The following MAPKAP1 variants were observed in gnomAD, a reference collection of about 807,000 sequenced individuals.
MAPKAP1 encodes the protein target of rapamycin complex 2 subunit MAPKAP1.
In MAPKAP1, 20 loss-of-function variants were observed where a neutral mutation model predicts 65.7. That is an observed-to-expected ratio of 0.30 (90% CI 0.21 to 0.44). MAPKAP1 has a LOEUF of 0.44. Among genes scored for constraint, MAPKAP1 ranks in the 20% least tolerant of loss-of-function variants. MAPKAP1 has a pLI of 1.00. For missense variants in MAPKAP1, 423 were observed against 648.0 expected (o/e 0.65, Z 3.77); for synonymous variants, 222 against 244.3 (o/e 0.91, Z 0.85).
At chr9:125,524,747 A>C (rs2133123134) in intron 7 of MAPKAP1, among the ~76,000 whole-genome samples, 1 of 152,332 alleles carries the variant, frequency 6.6e-6, no homozygotes, top group East Asian at 1.9e-4. Flanking sequence ...CTTCCACTGC[A>C]GTTCCTGTCT....
At chr9:125,698,256 T>TACA (rs1835449178) in intron 1 of MAPKAP1, among the ~76,000 whole-genome samples, 5 of 127,544 alleles carry the variant, frequency 3.9e-5, no homozygotes, top group African/African-American at 1.3e-4. Context: ...AAATATATAA[T>TACA]TTATAAATAT....
At chr9:125,452,398 C>A (rs1468273654) in intron 10 of MAPKAP1, among the ~76,000 whole-genome samples, 1 of 152,012 alleles carries the variant, frequency 6.6e-6, no homozygotes, top group Admixed American at 6.6e-5. Context: ...TACGCCTGGC[C>A]AGGAGTCATT....
chr9:125,598,868 C>T (rs574352258), intron 4 of MAPKAP1, among the ~76,000 whole-genome samples: 5 of 151,912 alleles, frequency 3.3e-5, no homozygotes, highest in African/African-American at 9.7e-5. Flanking sequence ...GGCAAAACCC[C>T]GTCTCTACTA....
At chr9:125,507,245 C>A (rs1412211494) in intron 7 of MAPKAP1, among the ~76,000 whole-genome samples, 1 of 152,220 alleles carries the variant, frequency 6.6e-6, no homozygotes, top group Non-Finnish European at 1.5e-5. Flanking sequence ...CAATCTTGTT[C>A]TTCTCAGATA....
At chr9:125,482,148 A>AAGAAG (rs60115058) in intron 9 of MAPKAP1, among the ~76,000 whole-genome samples, 2,734 of 116,860 alleles carry the variant, frequency 0.023, 113 homozygotes, top group African/African-American at 0.081. Flanking sequence ...AAAAAAAAAA[A>AAGAAG]AAGAAGAAGA....
intron 5 of MAPKAP1, among the ~76,000 whole-genome samples, chr9:125,580,863 G>T (rs966299848): frequency 3.3e-5 from 5 of 152,146 alleles, no homozygotes; most frequent in Middle Eastern, 3.4e-3. Flanking sequence ...GTTTATAGTT[G>T]GACTGCCTCC....
rs1831753500 is a variant in MAPKAP1 at position 125,585,492 on chromosome 9, A to G, written c.671+63T>C. 3 of 1,567,506 alleles carry G rather than the reference A, an allele frequency of 1.9e-6. No individual in the cohort carries two copies. The African/African-American group carries it at 4.0e-5, about 21-fold the overall frequency. Reference sequence around the variant, plus strand: ...TGCCTAGAAAGACTAACCAGCCTAGAAGACACCTTGGGTGGCCAAAAGACC... The same window carrying G: ...TGCCTAGAAAGACTAACCAGCCTAGGAGACACCTTGGGTGGCCAAAAGACC... On this transcript the variant is annotated intron_variant, in intron 5 of 11. Coordinates refer to ENST00000265960, the MANE Select transcript of MAPKAP1 (RefSeq NM_001006617.3).
At chr9:125,491,961 CGGGAGCACTGTTTGAG>C (rs1854750517) in intron 8 of MAPKAP1, among the ~76,000 whole-genome samples, 1 of 47,968 alleles carries the variant, frequency 2.1e-5, no homozygotes, top group Non-Finnish European at 4.6e-5. Context: ...GAAGCCAAAG[CGGGAGCACTGTTTGAG>C]GCCAGGAGTT....
intron 1 of MAPKAP1, among the ~76,000 whole-genome samples, chr9:125,689,436 GAAAAAAAAAAAAAAAA>G (rs911746619): frequency 6.6e-5 from 1 of 15,264 alleles, no homozygotes; most frequent in African/African-American, 2.1e-4. Context: ...CTCCATCTCG[GAAAAAAAAAAAAAAAA>G]AAAAAAAAAA....
chr9:125,685,513 C>A (rs1834949116), intron 1 of MAPKAP1, among the ~76,000 whole-genome samples: 1 of 152,188 alleles, frequency 6.6e-6, no homozygotes, highest in Non-Finnish European at 1.5e-5. Flanking sequence ...AGGCCTTTAG[C>A]TTTTACTCCA....
At chr9:125,528,916 G>A (rs1829854151) in intron 7 of MAPKAP1, among the ~76,000 whole-genome samples, 1 of 148,282 alleles carries the variant, frequency 6.7e-6, no homozygotes, top group Admixed American at 6.7e-5. Flanking sequence ...TGTGATCCCA[G>A]CACTTTGGGA....
chr9:125,444,395 C>T, intron 11 of MAPKAP1, 106 bp downstream of exon 11: 2 of 854,090 alleles, frequency 2.3e-6, no homozygotes, highest in Non-Finnish European at 3.7e-6. Flanking sequence ...GGCCCGGGAA[C>T]CTTCTATAGA....
chr9:125,506,435 C>T lies in MAPKAP1; in HGVS notation c.959-18G>A, dbSNP rs1829145031. 6.2e-7 allele frequency: 1 copy of T among 1,602,282 alleles called. No individual in the cohort carries two copies. Among genetic ancestry groups the T allele is most frequent in the Non-Finnish European group, 8.6e-7 (1 of 1,169,558 alleles). On this transcript the variant is annotated intron_variant, in intron 7 of 11. Coordinates refer to ENST00000265960, the MANE Select transcript of MAPKAP1 (RefSeq NM_001006617.3). ...CTGAGGGCCTGGAAGATCAAAGGGG[C>T]AGGAGGAGGGGAGGAAGTCTGAAAC...
At chr9:125,448,831 C>A (rs758151886) in intron 10 of MAPKAP1, among the ~76,000 whole-genome samples, 6 of 151,910 alleles carry the variant, frequency 3.9e-5, no homozygotes, top group Non-Finnish European at 7.4e-5. Flanking sequence ...ACTGTGAAAC[C>A]CTGTCTCTAC....
At chr9:125,454,325 G>C (rs1431381715) in intron 10 of MAPKAP1, among the ~76,000 whole-genome samples, 1 of 152,192 alleles carries the variant, frequency 6.6e-6, no homozygotes, top group African/African-American at 2.4e-5. Flanking sequence ...CTGCATCCGG[G>C]AATTTCCTCC....
intron 1 of MAPKAP1, among the ~76,000 whole-genome samples, chr9:125,686,987 G>A (rs979137525): frequency 2.0e-5 from 3 of 151,872 alleles, no homozygotes; most frequent in African/African-American, 7.3e-5. Flanking sequence ...CACCACGCCC[G>A]GCTAATTTTT....
chr9:125,578,445 GAAA>G (rs34239325), intron 5 of MAPKAP1, among the ~76,000 whole-genome samples: 2 of 150,098 alleles, frequency 1.3e-5, no homozygotes, highest in Non-Finnish European at 3.0e-5. Context: ...AAATAAATAC[GAAA>G]AAAAAAGCAT....
intron 7 of MAPKAP1, among the ~76,000 whole-genome samples, chr9:125,531,071 CT>C (rs1046775440): frequency 6.6e-6 from 1 of 152,228 alleles, no homozygotes; most frequent in African/African-American, 2.4e-5. Context: ...GACAGGTGGC[CT>C]GGGGACTGGG....
At chr9:125,692,579 T>C (rs1354987341) in intron 1 of MAPKAP1, among the ~76,000 whole-genome samples, 1 of 152,228 alleles carries the variant, frequency 6.6e-6, no homozygotes, top group Non-Finnish European at 1.5e-5. Flanking sequence ...TAGTGACAGT[T>C]ATACAACTTT....
Sources: gnomAD v4.1 joint callset for allele counts (sites outside exome capture counted in the v4.1 genomes callset) on GRCh38, gnomAD v4.1.1 for gene constraint, MANE v1.5 for transcripts, NCBI Gene and HGNC (gene_info 2026-07-23, HGNC 2026-07-21) for gene names.